The following P2RX7 variants were observed in gnomAD, a reference collection of about 807,000 sequenced individuals.
P2RX7 encodes purinergic receptor P2X 7.
A neutral mutation model predicts 71.6 loss-of-function variants in P2RX7; 62 were observed. That is an observed-to-expected ratio of 0.87 (90% confidence interval 0.71 to 1.07). P2RX7 has a LOEUF of 1.07. Among genes scored for constraint, P2RX7 ranks in the 50% least tolerant of loss-of-function variants. The probability of loss-of-function intolerance (pLI) is 0.00; values close to 1 mark genes in which losing one functional copy is unlikely to be tolerated. For synonymous variants in P2RX7, 299 were observed against 283.3 expected, an observed-to-expected ratio of 1.06 and a Z score of -0.56; for missense variants, 686 against 748.5, an observed-to-expected ratio of 0.92 and a Z score of 0.97.
At chr12:121,166,867 GC>G (rs1565962952) in intron 7 of P2RX7, among the ~76,000 whole-genome samples, 2 of 146,348 alleles carry the variant, frequency 1.4e-5, no homozygotes, top group Non-Finnish European at 3.0e-5. Flanking sequence ...CATGGTGAAA[GC>G]CCATCTTTAC....
intron 1 of P2RX7, among the ~76,000 whole-genome samples, chr12:121,145,312 A>G (rs1168479779): frequency 6.6e-6 from 1 of 152,140 alleles, no homozygotes; most frequent in African/African-American, 2.4e-5. Context: ...GTCAGTGTCA[A>G]CTGCTGCTGA....
intron 1 of P2RX7, among the ~76,000 whole-genome samples, chr12:121,136,257 T>C (rs944310724): frequency 6.6e-6 from 1 of 151,576 alleles, no homozygotes; most frequent in Non-Finnish European, 1.5e-5. Flanking sequence ...GTAGATTGTA[T>C]GTCACAATTT....
chr12:121,177,188 C>A lies in P2RX7; in HGVS notation c.1014C>A (p.Gly338=). 6.2e-7 allele frequency: 1 copy of A among 1,614,210 alleles called. No homozygotes were observed. Among genetic ancestry groups the A allele is most frequent in the Non-Finnish European group, 8.5e-7 (1 of 1,180,018 alleles). The change falls in exon 10 of 13, where the codon GGC becomes GGA. Residue 338 remains glycine, a synonymous_variant. Transcript: ENST00000328963. ...TTATCCAGCTGGTTGTGTACATCGG[C>A]TCAACCCTCTCCTACTTCGGTCTGG... The part of the protein sequence containing the change: ...FDIIQLVVYI[G]STLSYFGLAA...
Position 121,177,398 on chromosome 12 carries a change from C to T in P2RX7, c.1140C>T (p.Asn380=). 6.2e-7 allele frequency: 1 copy of T among 1,613,814 alleles called. No homozygotes were observed. The highest frequency in any genetic ancestry group is 8.5e-7 in the Non-Finnish European group (1 of 1,180,016). ...AGTGCTGTCAGCCCTGTGTGGTCAA[C>T]GAATACTACTACAGGAAGAAGTGCG... ...WCKCCQPCVV[N]EYYYRKKCES... Residue 380 remains asparagine (N), a synonymous_variant, in exon 11 of 13, where the codon AAC becomes AAT. Coordinates refer to ENST00000328963, the MANE Select transcript of P2RX7 (RefSeq NM_002562.6).
chr12:121,177,082 C>A, intron 9 of P2RX7, 65 bp from the exon 10 acceptor site: 1 of 1,399,560 alleles, frequency 7.1e-7, no homozygotes, highest in Non-Finnish European at 1.0e-6. Context: ...CCAACAATTG[C>A]ACGTTGAAGC....
At position 121,186,907 on chromosome 12, in the gene P2RX7, C is replaced by A. The variant is rs970646403; in HGVS notation, c.*2105C>A. On this transcript the variant is annotated 3_prime_UTR_variant, in exon 13 of 13. Coordinates refer to ENST00000328963, the MANE Select transcript of P2RX7 (RefSeq NM_002562.6). Reference sequence around the variant, plus strand: ...CAACAACAACAAAACAATTCTATGACTGAAAGTGACTAAAAAGCTGGCTTT... The same window carrying A: ...CAACAACAACAAAACAATTCTATGAATGAAAGTGACTAAAAAGCTGGCTTT... The A allele has an allele frequency of 1.3e-5, 2 of 152,206 alleles. No homozygotes were observed. The highest frequency in any genetic ancestry group is 4.8e-5 in the African/African-American group (2 of 41,458). 9.4% of individuals were successfully genotyped at this position (152,206 alleles called of 1,614,324 possible).
At chr12:121,160,848 C>T (rs980978134) in intron 3 of P2RX7, 54 bp from the exon 4 acceptor site, 20 of 1,320,222 alleles carry the variant, frequency 1.5e-5, no homozygotes, top group African/African-American at 7.2e-5. Flanking sequence ...CACTTCTCCA[C>T]GTCTTAGTAA....
chr12:121,165,516 C>T (rs1880840695), intron 6 of P2RX7, 79 bp downstream of exon 6: 1 of 1,105,978 alleles, frequency 9.0e-7, no homozygotes, highest in East Asian at 2.4e-5. Context: ...AAGCCTGAAA[C>T]AACAAACGCC....
At chr12:121,135,111 C>T (rs536645686) in intron 1 of P2RX7, among the ~76,000 whole-genome samples, 83 of 152,102 alleles carry the variant, frequency 5.5e-4, no homozygotes, top group African/African-American at 1.9e-3. Context: ...GAGGCCAAGG[C>T]GGGTGGATCA....
chr12:121,164,750 C>A (rs980615704), intron 5 of P2RX7, among the ~76,000 whole-genome samples: 1 of 151,914 alleles, frequency 6.6e-6, no homozygotes, highest in African/African-American at 2.4e-5. Context: ...CCACTGCACT[C>A]CAGCCTGGGT....
chr12:121,180,096 C>T (rs1276258110), intron 11 of P2RX7, among the ~76,000 whole-genome samples: 1 of 139,956 alleles, frequency 7.1e-6, no homozygotes, highest in Non-Finnish European at 1.5e-5. Flanking sequence ...TTGCAGTGAG[C>T]CAAGATCATG....
intron 1 of P2RX7, among the ~76,000 whole-genome samples, chr12:121,134,973 A>G (rs571375590): frequency 4.6e-5 from 7 of 152,296 alleles, no homozygotes; most frequent in African/African-American, 1.7e-4. Flanking sequence ...ACCAAAAAAA[A>G]AAGGCATGAA....
chr12:121,150,587 C>T (rs1472317724), intron 1 of P2RX7, among the ~76,000 whole-genome samples: 1 of 152,208 alleles, frequency 6.6e-6, no homozygotes, highest in African/African-American at 2.4e-5. Flanking sequence ...TATCTTACCC[C>T]AACATCTTTC....
rs143171240 is a variant in P2RX7 at position 121,154,817 on chromosome 12, G to A, written c.158G>A (p.Arg53Gln). The part of the protein sequence containing the change: ...FALVSDKLYQ[R>Q]KEPVISSVHT... ...CTGGTGAGTGACAAGCTGTACCAGC[G>A]GAAAGAGCCTGTCATCAGTTCTGTG... Residue 53 changes from arginine to glutamine, a missense_variant, in exon 2 of 13, where the codon CGG becomes CAG. Transcript: ENST00000328963. The surrounding 1 kb of genome is among the most constrained non-coding windows in gnomAD (Gnocchi z 4.2). 3.5e-5 allele frequency: 56 copies of A among 1,614,054 alleles called. No homozygotes were observed. The highest frequency in any genetic ancestry group is 6.7e-5 in the Admixed American group (4 of 60,024).
At chr12:121,147,617 T>C (rs1052503501) in intron 1 of P2RX7, among the ~76,000 whole-genome samples, 3 of 152,020 alleles carry the variant, frequency 2.0e-5, no homozygotes, top group African/African-American at 7.3e-5. Flanking sequence ...TGTTTGTTTG[T>C]TTGTTTGTTT....
intron 4 of P2RX7, among the ~76,000 whole-genome samples, chr12:121,161,322 G>C (rs897218261): frequency 6.6e-6 from 1 of 152,072 alleles, no homozygotes; most frequent in African/African-American, 2.4e-5. Context: ...TACCCCCAGG[G>C]AACCTGGCAG....
intron 12 of P2RX7, among the ~76,000 whole-genome samples, chr12:121,182,437 A>C (rs539966834): frequency 6.6e-6 from 1 of 152,302 alleles, no homozygotes; most frequent in African/African-American, 2.4e-5. Flanking sequence ...TATTTACACA[A>C]ACCTAAATAG....
intron 5 of P2RX7, among the ~76,000 whole-genome samples, chr12:121,163,837 A>C (rs1475700230): frequency 6.6e-6 from 1 of 152,160 alleles, no homozygotes; most frequent in East Asian, 1.9e-4. Flanking sequence ...TTCTAGACCG[A>C]TGTGATTCAG....
rs1329623941 is a variant in P2RX7, at chr12:121,132,947, C to A, written c.-24C>A. 1 of 1,612,942 alleles carries A rather than the reference C, an allele frequency of 6.2e-7. No homozygotes were observed. Among genetic ancestry groups the A allele is most frequent in the Non-Finnish European group, 8.5e-7 (1 of 1,179,962 alleles). ...GAAGAGTAGAGCTCTGGTCCAGCTC[C>A]GCGCAGGGAGGGAGGCTGTCACCAT... On this transcript the variant is annotated 5_prime_UTR_variant, in exon 1 of 13. Transcript: ENST00000328963.
Sources: gnomAD v4.1 joint callset for allele counts (sites outside exome capture counted in the v4.1 genomes callset) on GRCh38, gnomAD v4.1.1 for gene constraint, Gnocchi (gnomAD v3.1) non-coding constraint, MANE v1.5 for transcripts, NCBI Gene and HGNC (gene_info 2026-07-23, HGNC 2026-07-21) for gene names.